The following RASAL2 variants were observed in gnomAD, a reference collection of about 807,000 sequenced individuals.
RASAL2 encodes the protein ras GTPase-activating protein nGAP.
A neutral mutation model predicts 128.9 loss-of-function variants in RASAL2; 58 were observed. The observed-to-expected ratio is 0.45, with a 90% CI of 0.36 to 0.56. RASAL2 has a LOEUF of 0.56. RASAL2 is among the 20% of genes least tolerant of loss of function. The pLI, the probability that RASAL2 is intolerant of heterozygous loss-of-function variation, is 0.00. For synonymous variants in RASAL2, 561 were observed against 580.8 expected (o/e 0.97, Z 0.49); for missense variants, 1,360 against 1,601.6 (o/e 0.85, Z 2.57).
At chr1:178,144,287 G>A (rs1045822928) in intron 1 of RASAL2, among the ~76,000 whole-genome samples, 1 of 152,034 alleles carries the variant, frequency 6.6e-6, no homozygotes, top group African/African-American at 2.4e-5. Context: ...TACCCCTTTG[G>A]CTAATCTTGA....
chr1:178,441,696 TA>T, intron 7 of RASAL2, 49 bp downstream of exon 7: 1 of 1,431,400 alleles, frequency 7.0e-7, no homozygotes, highest in Non-Finnish European at 9.8e-7. Flanking sequence ...TGTAAGCAGT[TA>T]ATTGATAGAA....
intron 3 of RASAL2, among the ~76,000 whole-genome samples, chr1:178,356,923 C>T (rs934120789): frequency 2.6e-5 from 4 of 152,060 alleles, no homozygotes; most frequent in African/African-American, 9.7e-5. Flanking sequence ...ACTTGTTATC[C>T]TTAAAGGCTG....
chr1:178,246,949 T>C (rs1268879031), intron 1 of RASAL2, among the ~76,000 whole-genome samples: 8 of 152,202 alleles, frequency 5.3e-5, no homozygotes, highest in Admixed American at 5.2e-4. Flanking sequence ...CTTTTCGATG[T>C]GCTGCTGAAT....
At chr1:178,376,673 C>G (rs1672004094) in intron 3 of RASAL2, among the ~76,000 whole-genome samples, 1 of 152,084 alleles carries the variant, frequency 6.6e-6, no homozygotes. Context: ...GCAGAGTTAG[C>G]TATTTGTGTA....
chr1:178,385,160 A>G (rs1571974248), intron 3 of RASAL2, among the ~76,000 whole-genome samples: 1 of 152,220 alleles, frequency 6.6e-6, no homozygotes, highest in African/African-American at 2.4e-5. Context: ...AAAATCCTGA[A>G]AAGAAAATTG....
chr1:178,173,475 G>A (rs1273014224), intron 1 of RASAL2, among the ~76,000 whole-genome samples: 1 of 151,942 alleles, frequency 6.6e-6, no homozygotes, highest in East Asian at 1.9e-4. Flanking sequence ...TCCTTTTTAG[G>A]GCAAAGGTCC....
At chr1:178,141,204 T>TTC (rs1420125174) in intron 1 of RASAL2, among the ~76,000 whole-genome samples, 30 of 132,964 alleles carry the variant, frequency 2.3e-4, no homozygotes, top group Middle Eastern at 7.6e-3. Context: ...TTTTTTTTTT[T>TTC]TTTTTTTTTT....
rs1044943716 is a variant in RASAL2 at position 178,277,015 on chromosome 1, G to T, written c.203-6549G>T. Among the ~76,000 whole-genome samples, 12 of 151,666 alleles carry T rather than the reference G, an allele frequency of 7.9e-5. No homozygotes were observed. The East Asian group carries it at 1.2e-3, about 15-fold the overall frequency. On this transcript the variant is annotated intron_variant, in intron 1 of 17. Coordinates refer to ENST00000367649, the MANE Select transcript of RASAL2 (RefSeq NM_170692.4). ...TAGAAAAAATTAGCCAGGTGTGGTG[G>T]CGGTCGCCTGTAGTCTCAGCTACTC...
chr1:178,240,834 AT>A (rs1228682684), intron 1 of RASAL2, among the ~76,000 whole-genome samples: 1 of 151,550 alleles, frequency 6.6e-6, no homozygotes, highest in Non-Finnish European at 1.5e-5. Flanking sequence ...TTGGAGAATT[AT>A]TTTATTATAA....
chr1:178,350,978 G>A (rs1670442057), intron 3 of RASAL2, among the ~76,000 whole-genome samples: 1 of 152,092 alleles, frequency 6.6e-6, no homozygotes, highest in African/African-American at 2.4e-5. Flanking sequence ...GGAAGTCTCA[G>A]AGAGCTTTTA....
chr1:178,472,472 A>G (rs1648366613), intron 17 of RASAL2, among the ~76,000 whole-genome samples: 1 of 152,024 alleles, frequency 6.6e-6, no homozygotes, highest in Admixed American at 6.6e-5. Flanking sequence ...CTCCCTCCCC[A>G]TATTCAAGTA....
chr1:178,219,267 A>T (rs1460579267), intron 1 of RASAL2, among the ~76,000 whole-genome samples: 1 of 152,160 alleles, frequency 6.6e-6, no homozygotes, highest in Non-Finnish European at 1.5e-5. Context: ...AGCTGGTTTG[A>T]TCATTTATTC....
intron 1 of RASAL2, among the ~76,000 whole-genome samples, chr1:178,247,294 G>T (rs1348183834): frequency 6.6e-6 from 1 of 152,028 alleles, no homozygotes; most frequent in Non-Finnish European, 1.5e-5. Flanking sequence ...TTTAGTCTTG[G>T]CAGGGTGTGT....
intron 1 of RASAL2, among the ~76,000 whole-genome samples, chr1:178,277,411 G>A (rs1360104728): frequency 2.0e-5 from 3 of 152,078 alleles, no homozygotes; most frequent in Non-Finnish European, 2.9e-5. Flanking sequence ...CACCCACCTT[G>A]GCCTCCCAAA....
chr1:178,189,135 A>C (rs1373376341), intron 1 of RASAL2, among the ~76,000 whole-genome samples: 2 of 152,216 alleles, frequency 1.3e-5, no homozygotes, highest in African/African-American at 4.8e-5. Context: ...AATGACTGAT[A>C]ATATTCTCCC....
At chr1:178,164,823 TTGTGTGTGTGTGTG>T (rs200932615) in intron 1 of RASAL2, among the ~76,000 whole-genome samples, 24 of 132,000 alleles carry the variant, frequency 1.8e-4, no homozygotes, top group East Asian at 2.3e-4. Context: ...CATCAAACGT[TTGTGTGTGTGTGTG>T]TGTGTGTGTG....
chr1:178,410,421 T>C (rs954633859), intron 4 of RASAL2, among the ~76,000 whole-genome samples: 3 of 152,118 alleles, frequency 2.0e-5, no homozygotes, highest in African/African-American at 7.2e-5. Context: ...ATAAGAATTC[T>C]AGAAGATAAC....
chr1:178,195,598 A>G (rs1415584578), intron 1 of RASAL2, among the ~76,000 whole-genome samples: 1 of 152,168 alleles, frequency 6.6e-6, no homozygotes. Context: ...TAAAAATAAT[A>G]AATATAAGAT....
At chr1:178,113,349 C>T (rs992574832) in intron 1 of RASAL2, among the ~76,000 whole-genome samples, 2 of 151,866 alleles carry the variant, frequency 1.3e-5, no homozygotes, top group African/African-American at 4.8e-5. Flanking sequence ...TGTTCTGTCA[C>T]CCAGGCTGGA....
Sources: gnomAD v4.1 joint callset for allele counts (sites outside exome capture counted in the v4.1 genomes callset) on GRCh38, gnomAD v4.1.1 for gene constraint, MANE v1.5 for transcripts, NCBI Gene and HGNC (gene_info 2026-07-23, HGNC 2026-07-21) for gene names.